CCSER1: variants seen among roughly 807,000 people sequenced by gnomAD.
CCSER1 encodes the protein coiled-coil serine rich protein 1.
A neutral mutation model predicts 82.0 loss-of-function variants in CCSER1; 41 were observed. The observed-to-expected ratio is 0.50, with a 90% CI of 0.39 to 0.65. The LOEUF (loss-of-function observed/expected upper bound fraction) is 0.65, where lower values mean the gene tolerates loss of function less well. Ranked by LOEUF, CCSER1 falls within the 30% of genes least tolerant of loss-of-function variation. The pLI, the probability that CCSER1 is intolerant of heterozygous loss-of-function variation, is 0.00. For synonymous variants in CCSER1, 414 were observed against 383.9 expected (o/e 1.08, Z -0.92); for missense variants, 1,119 against 1,064.2 (o/e 1.05, Z -0.72).
chr4:91,082,520 A>T (rs544738770), intron 9 of CCSER1, among the ~76,000 whole-genome samples: 1 of 152,332 alleles, frequency 6.6e-6, no homozygotes, highest in South Asian at 2.1e-4. Context: ...TGTGACTAAA[A>T]CACCAAAAGC....
chr4:90,448,964 G>T (rs1761073659), intron 4 of CCSER1, among the ~76,000 whole-genome samples: 1 of 152,174 alleles, frequency 6.6e-6, no homozygotes, highest in Admixed American at 6.5e-5. Flanking sequence ...ACAAGGCAAA[G>T]AGGTGCTTTA....
chr4:91,270,845 A>G (rs1741969225), intron 10 of CCSER1, among the ~76,000 whole-genome samples: 1 of 152,212 alleles, frequency 6.6e-6, no homozygotes, highest in Admixed American at 6.5e-5. Context: ...CTAATATAAT[A>G]AAGCATTTTA....
At chr4:90,609,971 G>T (rs1785232280) in intron 5 of CCSER1, among the ~76,000 whole-genome samples, 1 of 152,118 alleles carries the variant, frequency 6.6e-6, no homozygotes, top group Non-Finnish European at 1.5e-5. Flanking sequence ...TAAAATGTGA[G>T]GCCAGGCGCG....
chr4:90,744,848 T>C (rs948126689), intron 7 of CCSER1, among the ~76,000 whole-genome samples: 5 of 152,128 alleles, frequency 3.3e-5, no homozygotes, highest in African/African-American at 1.2e-4. Context: ...ACAAGTCCCC[T>C]ATCCATGGAA....
At chr4:90,399,188 G>A (rs1228539734) in intron 3 of CCSER1, among the ~76,000 whole-genome samples, 1 of 151,618 alleles carries the variant, frequency 6.6e-6, no homozygotes, top group African/African-American at 2.4e-5. Context: ...TACAAATCAG[G>A]ACTTTATTCC....
intron 10 of CCSER1, among the ~76,000 whole-genome samples, chr4:91,510,975 T>G (rs1759787006): frequency 6.6e-6 from 1 of 152,210 alleles, no homozygotes; most frequent in Non-Finnish European, 1.5e-5. Context: ...TATATTTAAG[T>G]CTTTAATCCA....
chr4:90,857,797 G>GT (rs1390615996), intron 8 of CCSER1, among the ~76,000 whole-genome samples: 1 of 152,038 alleles, frequency 6.6e-6, no homozygotes, highest in Admixed American at 6.6e-5. Context: ...GGATTAACAA[G>GT]TGGAGAGATC....
At chr4:90,272,252 C>T (rs537421821) in intron 1 of CCSER1, among the ~76,000 whole-genome samples, 3 of 152,156 alleles carry the variant, frequency 2.0e-5, no homozygotes, top group Non-Finnish European at 2.9e-5. Flanking sequence ...AATGGTCAAA[C>T]GGTCTGAATA....
At chr4:91,504,452 T>A (rs768377276) in intron 10 of CCSER1, among the ~76,000 whole-genome samples, 2 of 152,150 alleles carry the variant, frequency 1.3e-5, no homozygotes, top group Non-Finnish European at 2.9e-5. Context: ...TTATGTTGCC[T>A]ACAAACAACA....
intron 5 of CCSER1, among the ~76,000 whole-genome samples, chr4:90,524,986 A>G (rs1026353662): frequency 2.0e-5 from 3 of 152,252 alleles, no homozygotes; most frequent in Middle Eastern, 6.8e-3. Flanking sequence ...AAATCATGCA[A>G]ATGACTGAAC....
chr4:90,310,798 C>G (rs1485490547), intron 2 of CCSER1, among the ~76,000 whole-genome samples: 1 of 151,970 alleles, frequency 6.6e-6, no homozygotes, highest in African/African-American at 2.4e-5. Flanking sequence ...CATAATGTCA[C>G]GAGTAATAGG....
intron 10 of CCSER1, among the ~76,000 whole-genome samples, chr4:91,100,293 G>A (rs1449408350): frequency 6.6e-6 from 1 of 152,124 alleles, no homozygotes; most frequent in Non-Finnish European, 1.5e-5. Flanking sequence ...AGTTTGTTGA[G>A]AAAATGAGTT....
chr4:91,081,633 G>T (rs1025487941), intron 9 of CCSER1, among the ~76,000 whole-genome samples: 1 of 152,182 alleles, frequency 6.6e-6, no homozygotes, highest in Non-Finnish European at 1.5e-5. Flanking sequence ...GTCCCTGTTT[G>T]CAGATGACAT....
chr4:91,125,734 T>G (rs2148898807), intron 10 of CCSER1, among the ~76,000 whole-genome samples: 1 of 151,732 alleles, frequency 6.6e-6, no homozygotes, highest in Non-Finnish European at 1.5e-5. Flanking sequence ...AGGGTATACA[T>G]TTTCAACTTT....
At chr4:91,369,693 A>G (rs1426318228) in intron 10 of CCSER1, among the ~76,000 whole-genome samples, 2 of 96,778 alleles carry the variant, frequency 2.1e-5, no homozygotes, top group Non-Finnish European at 3.8e-5. Context: ...TTTTTTTGAC[A>G]GTCTCTCACT....
At chr4:91,562,897 T>A (rs972992536) in intron 10 of CCSER1, among the ~76,000 whole-genome samples, 5 of 151,496 alleles carry the variant, frequency 3.3e-5, no homozygotes, top group Non-Finnish European at 5.9e-5. Context: ...CGTTTGAGAG[T>A]CTAACAAGTT....
intron 10 of CCSER1, among the ~76,000 whole-genome samples, chr4:91,172,777 C>T (rs942972921): frequency 6.6e-6 from 1 of 152,000 alleles, no homozygotes; most frequent in East Asian, 1.9e-4. Context: ...TGTGACACAT[C>T]TTTGATTGGT....
At chr4:90,228,561 C>T (rs1224734447) in intron 1 of CCSER1, among the ~76,000 whole-genome samples, 22 of 152,078 alleles carry the variant, frequency 1.4e-4, no homozygotes, top group Non-Finnish European at 2.2e-4. Context: ...AAACGCAGAG[C>T]GCCTCTCCTC....
rs540799071 is a variant in CCSER1, at chr4:90,760,601, C to G, written c.2010+36610C>G. ...AATAATACTAGTAAAAAATTTCAGA[C>G]TTTCAATGTATGAAAAATACTCAGT... is the stretch of plus-strand genomic sequence containing the variant. On this transcript the variant is annotated intron_variant, in intron 7 of 10. Coordinates refer to ENST00000509176, the MANE Select transcript of CCSER1 (RefSeq NM_001145065.2). Among the ~76,000 whole-genome samples the G allele has an allele frequency of 2.0e-5, 3 of 152,022 alleles. No individual in the cohort carries two copies. The South Asian group carries it at 6.2e-4, about 32-fold the overall frequency.
Sources: gnomAD v4.1 joint callset for allele counts (sites outside exome capture counted in the v4.1 genomes callset) on GRCh38, gnomAD v4.1.1 for gene constraint, MANE v1.5 for transcripts, NCBI Gene and HGNC (gene_info 2026-07-23, HGNC 2026-07-21) for gene names.